SLC38A6: variants seen among roughly 807,000 people sequenced by gnomAD.
The protein encoded by SLC38A6 is solute carrier family 38 member 6.
A neutral mutation model predicts 65.0 loss-of-function variants in SLC38A6; 73 were observed. The ratio of observed to expected loss-of-function variants is 1.12; its 90% CI spans 0.93 to 1.37. The LOEUF (loss-of-function observed/expected upper bound fraction) is 1.37, where lower values mean the gene tolerates loss of function less well. Among genes scored for constraint, SLC38A6 ranks in the 40% most tolerant of loss-of-function variants. The pLI, the probability that SLC38A6 is intolerant of heterozygous loss-of-function variation, is 0.00. For synonymous variants in SLC38A6, 183 were observed against 178.8 expected, an observed-to-expected ratio of 1.02 and a Z score of -0.19; for missense variants, 561 against 531.1, an observed-to-expected ratio of 1.06 and a Z score of -0.55.
At chr14:61,007,255 G>A (rs931277097) in intron 3 of SLC38A6, among the ~76,000 whole-genome samples, 19 of 151,830 alleles carry the variant, frequency 1.3e-4, no homozygotes, top group South Asian at 6.2e-4. Flanking sequence ...GCACACCAGC[G>A]TGGCACATGT....
chr14:61,063,636 G>A (rs2042928728), intron 15 of SLC38A6, among the ~76,000 whole-genome samples: 2 of 152,138 alleles, frequency 1.3e-5, no homozygotes, highest in Non-Finnish European at 2.9e-5. Context: ...TCTTTTGCAG[G>A]TGCACCTTTG....
chr14:60,986,053 C>T (rs1374103456), intron 3 of SLC38A6, among the ~76,000 whole-genome samples: 1 of 152,250 alleles, frequency 6.6e-6, no homozygotes, highest in African/African-American at 2.4e-5. Context: ...CTACCTCCAA[C>T]ACTGGGGATC....
chr14:60,992,708 A>G (rs978396198), intron 3 of SLC38A6, among the ~76,000 whole-genome samples: 12 of 151,318 alleles, frequency 7.9e-5, no homozygotes, highest in Admixed American at 1.3e-4. Context: ...TTTTTTTAAG[A>G]CAAAGTCTCG....
At chr14:60,987,154 G>A (rs1594954388) in intron 3 of SLC38A6, 5 of 286,692 alleles carry the variant, frequency 1.7e-5, no homozygotes, top group Non-Finnish European at 2.0e-5. Context: ...AATTCTCTGT[G>A]GAGGTAGGCT....
At chr14:61,024,483 CTGGAAG>C (rs886925062) in intron 5 of SLC38A6, among the ~76,000 whole-genome samples, 4 of 152,100 alleles carry the variant, frequency 2.6e-5, no homozygotes, top group African/African-American at 9.7e-5. Flanking sequence ...AAAGATGTGT[CTGGAAG>C]TTTTAACATT....
In SLC38A6 at chr14:61,050,781, C is replaced by T. The variant is rs1488596565; in HGVS notation, c.1050+145C>T. The T allele has an allele frequency of 7.3e-6, 5 of 685,970 alleles. No individual in the cohort carries two copies. The African/African-American group carries it at 7.4e-5, about 10-fold the overall frequency. 42.5% of individuals were successfully genotyped at this position (685,970 alleles called of 1,614,324 possible). On this transcript the variant is annotated intron_variant, in intron 13 of 15. Transcript: ENST00000267488. ...CAAGTAATTGATCAAAGACTTCATA[C>T]TTGCATATGGCCCCGTAAAAGCATA...
intron 10 of SLC38A6, 121 bp from the exon 11 acceptor site, chr14:61,045,225 A>G (rs2042062924): frequency 1.5e-6 from 1 of 651,010 alleles, no homozygotes; most frequent in African/African-American, 1.8e-5. Flanking sequence ...GAGAAGACTC[A>G]TTAAAGATGA....
chr14:61,001,906 G>A (rs554884663), intron 3 of SLC38A6: 13 of 151,922 alleles, frequency 8.6e-5, no homozygotes, highest in South Asian at 4.2e-4. Flanking sequence ...TTATACTAGC[G>A]CTTCTGTTCT....
At chr14:60,983,324 C>T (rs113218662) in intron 2 of SLC38A6, among the ~76,000 whole-genome samples, 2 of 152,254 alleles carry the variant, frequency 1.3e-5, no homozygotes, top group African/African-American at 4.8e-5. Flanking sequence ...AACCCCATCT[C>T]TGCCCAAAAT....
chr14:61,081,631 G>A (rs1231812000), intron 16 of SLC38A6, among the ~76,000 whole-genome samples: 1 of 151,920 alleles, frequency 6.6e-6, no homozygotes, highest in East Asian at 1.9e-4. Flanking sequence ...GTTGCAGTAA[G>A]CCAATACCCG....
intron 15 of SLC38A6, among the ~76,000 whole-genome samples, chr14:61,062,959 A>T (rs907619148): frequency 6.6e-6 from 1 of 152,186 alleles, no homozygotes; most frequent in Non-Finnish European, 1.5e-5. Flanking sequence ...GATTACAGGC[A>T]TGAGCTACCA....
chr14:60,986,882 A>G (rs1819442992), intron 3 of SLC38A6, among the ~76,000 whole-genome samples: 1 of 152,200 alleles, frequency 6.6e-6, no homozygotes, highest in African/African-American at 2.4e-5. Flanking sequence ...ATGTGGGAGT[A>G]GTATTCAGTG....
intron 3 of SLC38A6, among the ~76,000 whole-genome samples, chr14:60,991,319 T>C (rs767223301): frequency 2.6e-5 from 4 of 152,240 alleles, no homozygotes; most frequent in Non-Finnish European, 2.9e-5. Context: ...TTTTATCTTA[T>C]GTAACATATA....
chr14:60,997,628 G>T (rs1419519066), intron 3 of SLC38A6, among the ~76,000 whole-genome samples: 1 of 152,196 alleles, frequency 6.6e-6, no homozygotes, highest in Non-Finnish European at 1.5e-5. Flanking sequence ...GTCAGGCCGG[G>T]CTGTTAAAAA....
intron 3 of SLC38A6, among the ~76,000 whole-genome samples, chr14:61,012,574 G>T (rs1485072322): frequency 6.6e-6 from 1 of 152,138 alleles, no homozygotes; most frequent in Non-Finnish European, 1.5e-5. Flanking sequence ...AGAGATTCTG[G>T]TATGTTGTGT....
At chr14:61,055,118 C>CTTTTTTTTTTTTTTTTTTT (rs1219357097), downstream of SLC38A6, among the ~76,000 whole-genome samples, 1 of 98,648 alleles carries the variant, frequency 1.0e-5, no homozygotes, top group Non-Finnish European at 1.9e-5. Context: ...TTTTTTTTTT[C>CTTTTTTTTTTTTTTTTTTT]TTTTTTTTTT....
chr14:61,005,961 T>C (rs1057306726), intron 3 of SLC38A6, among the ~76,000 whole-genome samples: 1 of 152,152 alleles, frequency 6.6e-6, no homozygotes, highest in Non-Finnish European at 1.5e-5. Flanking sequence ...AACAGCATGG[T>C]ACTGGTACCA....
chr14:61,025,862 A>G (rs1236400462), intron 5 of SLC38A6, among the ~76,000 whole-genome samples: 1 of 152,152 alleles, frequency 6.6e-6, no homozygotes, highest in Non-Finnish European at 1.5e-5. Flanking sequence ...AATAGAATAA[A>G]CCAGTTAGTA....
At chr14:61,049,346 CCTTTG>C in intron 12 of SLC38A6, among the ~76,000 whole-genome samples, 1 of 152,106 alleles carries the variant, frequency 6.6e-6, no homozygotes. Context: ...ATGCACATTC[CCTTTG>C]CTTTGTTTGT....
Sources: gnomAD v4.1 joint callset for allele counts (sites outside exome capture counted in the v4.1 genomes callset) on GRCh38, gnomAD v4.1.1 for gene constraint, MANE v1.5 for transcripts, NCBI Gene and HGNC (gene_info 2026-07-23, HGNC 2026-07-21) for gene names.